Variants in GRIK1 observed in about 807,000 individuals in gnomAD.
GRIK1 encodes the protein glutamate ionotropic receptor kainate type subunit 1, also known as glutamate receptor ionotropic, kainate 1.
In GRIK1, 69 loss-of-function variants were observed where a neutral mutation model predicts 105.7. The observed-to-expected ratio is 0.65, with a 90% CI of 0.54 to 0.80. GRIK1 has a LOEUF of 0.80. Among genes scored for constraint, GRIK1 ranks in the 30% least tolerant of loss-of-function variants. GRIK1 has a pLI of 0.00. For synonymous variants in GRIK1, 438 were observed against 431.3 expected (o/e 1.02, Z -0.19); for missense variants, 1,109 against 1,167.3 (o/e 0.95, Z 0.73).
chr21:29,710,108 A>G (rs2064008853), intron 1 of GRIK1, among the ~76,000 whole-genome samples: 1 of 151,740 alleles, frequency 6.6e-6, no homozygotes, highest in Non-Finnish European at 1.5e-5. Context: ...TCATATCTCA[A>G]TATGCATTGA....
intron 1 of GRIK1, among the ~76,000 whole-genome samples, chr21:29,801,789 A>G (rs1262856203): frequency 6.6e-6 from 1 of 152,212 alleles, no homozygotes; most frequent in Non-Finnish European, 1.5e-5. Flanking sequence ...ATTATAGCCC[A>G]GTGATAATTA....
At chr21:29,700,190 CA>C (rs2063785492) in intron 1 of GRIK1, among the ~76,000 whole-genome samples, 1 of 152,098 alleles carries the variant, frequency 6.6e-6, no homozygotes, top group Non-Finnish European at 1.5e-5. Flanking sequence ...AGGACGTAGG[CA>C]GTTGTGTTTT....
Position 29,807,415 on chromosome 21 carries a change from C to T in GRIK1, c.119-113352G>A, listed in dbSNP as rs1039859175. The stretch of plus-strand genomic sequence containing the variant: ...ATGGAACCAGGAAGGCAAGTGAGGA[C>T]GGTCATTCTGGAGGAGGCTTACATG... On this transcript the variant is annotated intron_variant, in intron 1 of 17. Transcript: ENST00000327783. Among the ~76,000 whole-genome samples, 6 of 152,102 alleles carry T rather than the reference C, an allele frequency of 3.9e-5. No homozygotes were observed. In the South Asian group the frequency reaches 6.2e-4, roughly 16 times the overall value.
chr21:29,825,006 C>A (rs917852547), intron 1 of GRIK1, among the ~76,000 whole-genome samples: 1 of 151,624 alleles, frequency 6.6e-6, no homozygotes, highest in African/African-American at 2.4e-5. Flanking sequence ...ATTAATATAT[C>A]CAATTATAGG....
chr21:29,616,211 G>T (rs1263053938), intron 7 of GRIK1, among the ~76,000 whole-genome samples: 2 of 151,980 alleles, frequency 1.3e-5, no homozygotes, highest in African/African-American at 4.8e-5. Context: ...CTCCTTTTTG[G>T]CCTCTTCTGC....
At chr21:29,745,836 G>C (rs578181552) in intron 1 of GRIK1, among the ~76,000 whole-genome samples, 1 of 152,340 alleles carries the variant, frequency 6.6e-6, no homozygotes, top group South Asian at 2.1e-4. Flanking sequence ...GGGCATGGTG[G>C]CTCATGCCTG....
chr21:29,648,555 C>A (rs12626669), intron 6 of GRIK1, among the ~76,000 whole-genome samples: 64,134 of 149,224 alleles, frequency 0.43, 14,882 homozygotes, highest in African/African-American at 0.63. Context: ...TATTTATTGA[C>A]GGTGTACTTC....
At chr21:29,693,427 T>C (rs1254820475) in intron 2 of GRIK1, among the ~76,000 whole-genome samples, 4 of 152,134 alleles carry the variant, frequency 2.6e-5, no homozygotes, top group Non-Finnish European at 1.5e-5. Context: ...TATGATTTTG[T>C]GGAAAAGAGT....
At chr21:29,606,178 A>G (rs2061611652) in intron 7 of GRIK1, among the ~76,000 whole-genome samples, 1 of 152,192 alleles carries the variant, frequency 6.6e-6, no homozygotes, top group Non-Finnish European at 1.5e-5. Flanking sequence ...GTTAATTTAT[A>G]GGATTTGTAT....
chr21:29,697,346 A>G (rs1210943111), intron 1 of GRIK1, among the ~76,000 whole-genome samples: 1 of 152,226 alleles, frequency 6.6e-6, no homozygotes, highest in African/African-American at 2.4e-5. Flanking sequence ...ACTTGCCTCA[A>G]AATTATTCTT....
At chr21:29,901,210 T>C (rs188512625) in intron 1 of GRIK1, among the ~76,000 whole-genome samples, 5 of 152,212 alleles carry the variant, frequency 3.3e-5, no homozygotes, top group African/African-American at 1.2e-4. Context: ...AGATCTAAAA[T>C]TGACATCTTA....
chr21:29,690,206 T>C (rs953581981), intron 2 of GRIK1, among the ~76,000 whole-genome samples: 1 of 152,236 alleles, frequency 6.6e-6, no homozygotes, highest in South Asian at 2.1e-4. Context: ...AACTTAGAAC[T>C]GATTAGCAAT....
chr21:29,850,766 G>T (rs1220038452), intron 1 of GRIK1, among the ~76,000 whole-genome samples: 1 of 152,116 alleles, frequency 6.6e-6, no homozygotes, highest in Non-Finnish European at 1.5e-5. Flanking sequence ...CACATCTTCA[G>T]CTCATTTTGA....
intron 1 of GRIK1, among the ~76,000 whole-genome samples, chr21:29,713,239 CCTT>C (rs1404117068): frequency 6.4e-4 from 97 of 152,242 alleles, no homozygotes; most frequent in African/African-American, 2.3e-3. Context: ...TCAGGTCTCT[CCTT>C]CTTGTTATTT....
At chr21:29,777,101 C>CT (rs1569080595) in intron 1 of GRIK1, among the ~76,000 whole-genome samples, 7 of 152,152 alleles carry the variant, frequency 4.6e-5, no homozygotes, top group Non-Finnish European at 8.8e-5. Context: ...ATCCAATTCT[C>CT]AGGCCCCACC....
At chr21:29,936,614 T>G (rs2071764791) in intron 1 of GRIK1, among the ~76,000 whole-genome samples, 1 of 152,214 alleles carries the variant, frequency 6.6e-6, no homozygotes, top group Admixed American at 6.5e-5. Context: ...AGTAATAATG[T>G]TAAGGGCACC....
chr21:29,748,796 T>A (rs2065109428), intron 1 of GRIK1: 1 of 152,168 alleles, frequency 6.6e-6, no homozygotes, highest in Non-Finnish European at 1.5e-5. Context: ...CAAAGAACGA[T>A]CAACAAATTA....
At chr21:29,685,610 A>C (rs867216255) in intron 3 of GRIK1, among the ~76,000 whole-genome samples, 36 of 152,198 alleles carry the variant, frequency 2.4e-4, no homozygotes, top group African/African-American at 6.8e-4. Context: ...GTCTTTTAAG[A>C]GAGCCAAACC....
At chr21:29,911,436 C>T (rs140872390) in intron 1 of GRIK1, among the ~76,000 whole-genome samples, 247 of 152,056 alleles carry the variant, frequency 1.6e-3, no homozygotes, top group African/African-American at 4.6e-3. Flanking sequence ...TATGCAGCCA[C>T]GATCCTGGAC....
Sources: allele counts gnomAD v4.1 joint callset (sites outside exome capture counted in the v4.1 genomes callset), GRCh38; gene constraint gnomAD v4.1.1; transcripts MANE v1.5; gene names NCBI Gene and HGNC (gene_info 2026-07-23, HGNC 2026-07-21).